GPHN: variants seen among roughly 807,000 people sequenced by gnomAD.
GPHN encodes gephyrin.
In GPHN, 17 loss-of-function variants were observed where a neutral mutation model predicts 95.5. The observed-to-expected ratio is 0.18, with a 90% CI of 0.12 to 0.27. The LOEUF is 0.27. Ranked by LOEUF, GPHN falls within the 10% of genes least tolerant of loss-of-function variation. GPHN has a pLI of 1.00. For synonymous variants in GPHN, 320 were observed against 322.5 expected (o/e 0.99, Z 0.08); for missense variants, 660 against 978.1 (o/e 0.67, Z 4.34).
the GPHN span, among the ~76,000 whole-genome samples, chr14:67,715,523 AGTGCAGGCGTAAGGCCTGG>A: frequency 5.9e-5 from 9 of 152,228 alleles, no homozygotes; most frequent in African/African-American, 2.2e-4. Flanking sequence ...ACCTCACCAC[AGTGCAGGCGTAAGGCCTGG>A]GCTTATTGGC....
the GPHN span, chr14:67,204,454 CAAAT>C: frequency 3.6e-6 from 5 of 1,399,602 alleles, no homozygotes; most frequent in South Asian, 1.9e-5. Flanking sequence ...AACAAACAAA[CAAAT>C]ATATATATAT....
intron 18 of GPHN, among the ~76,000 whole-genome samples, chr14:67,148,558 C>CTTTTTTTTTTTT (rs368140123): frequency 2.8e-5 from 3 of 109,058 alleles, no homozygotes; most frequent in Non-Finnish European, 1.8e-5. Context: ...ACTTTATTTG[C>CTTTTTTTTTTTT]TTTTTTTTTT....
chr14:67,598,869 C>G, the GPHN span, among the ~76,000 whole-genome samples: 1 of 152,020 alleles, frequency 6.6e-6, no homozygotes, highest in Non-Finnish European at 1.5e-5. Flanking sequence ...ACCACCACAC[C>G]CAGCTAATGT....
the GPHN span, among the ~76,000 whole-genome samples, chr14:67,630,701 C>T: frequency 1.3e-5 from 2 of 152,306 alleles, no homozygotes; most frequent in South Asian, 2.1e-4. Context: ...GCCTCAGCCT[C>T]CATAGTAGCT....
chr14:67,498,775 CCTGT>C, the GPHN span, among the ~76,000 whole-genome samples: 1 of 152,090 alleles, frequency 6.6e-6, no homozygotes, highest in Non-Finnish European at 1.5e-5. Flanking sequence ...AAGCAATTCT[CCTGT>C]CTCAGTCTCT....
intron 9 of GPHN, among the ~76,000 whole-genome samples, chr14:67,011,964 C>G (rs547792772): frequency 2.6e-5 from 4 of 152,186 alleles, no homozygotes; most frequent in Non-Finnish European, 5.9e-5. Flanking sequence ...TACCTCTATA[C>G]TAGAAATATA....
intron 1 of GPHN, among the ~76,000 whole-genome samples, chr14:66,518,402 G>T (rs1594794809): frequency 6.6e-6 from 1 of 152,042 alleles, no homozygotes; most frequent in East Asian, 1.9e-4. Context: ...ATGTAAACAA[G>T]TACAGCCACT....
chr14:66,989,605 A>G (rs893413111), intron 9 of GPHN, among the ~76,000 whole-genome samples: 1 of 151,182 alleles, frequency 6.6e-6, no homozygotes, highest in Non-Finnish European at 1.5e-5. Flanking sequence ...TTCTAAAAAT[A>G]TTAAATATAA....
chr14:67,418,913 C>T, the GPHN span, among the ~76,000 whole-genome samples: 3 of 152,200 alleles, frequency 2.0e-5, no homozygotes, highest in Non-Finnish European at 2.9e-5. Flanking sequence ...CTCCCCAGGG[C>T]GCTCTGCAAG....
At chr14:67,101,944 T>A (rs2077723884) in intron 13 of GPHN, among the ~76,000 whole-genome samples, 1 of 152,060 alleles carries the variant, frequency 6.6e-6, no homozygotes. Context: ...CGATCTCGGC[T>A]CACTGCAAGC....
chr14:66,988,591 T>A (rs2071185697), intron 9 of GPHN, among the ~76,000 whole-genome samples: 1 of 152,060 alleles, frequency 6.6e-6, no homozygotes, highest in Non-Finnish European at 1.5e-5. Context: ...GTAAGTACCT[T>A]CACCAGGAAC....
At position 66,755,293 on chromosome 14, in the gene GPHN, A is replaced by T. The variant is rs183713855; in HGVS notation, c.144-21171A>T. 2.6e-5 allele frequency among the ~76,000 whole-genome samples: 4 copies of T among 152,238 alleles called. No individual in the cohort carries two copies. In the East Asian group the frequency reaches 7.7e-4, roughly 29 times the overall value. ...TTACTGACTATGTTTGCTTAATATT[A>T]ATCTATTAGAGCATAACTGCATAAC... On this transcript the variant is annotated intron_variant, in intron 2 of 22. Coordinates refer to ENST00000478722, the MANE Select transcript of GPHN (RefSeq NM_020806.5).
the GPHN span, chr14:67,454,728 T>C: frequency 6.6e-6 from 1 of 152,260 alleles, no homozygotes; most frequent in African/African-American, 2.4e-5. Context: ...TAATAAGTTA[T>C]ATAATAAGGG....
intron 5 of GPHN, among the ~76,000 whole-genome samples, chr14:66,892,418 C>G (rs2064564686): frequency 6.6e-6 from 1 of 152,026 alleles, no homozygotes; most frequent in South Asian, 2.1e-4. Context: ...GTGAGACTGT[C>G]TCTTAAAGAA....
chr14:66,944,406 A>G (rs898307846), intron 8 of GPHN, among the ~76,000 whole-genome samples: 1 of 152,250 alleles, frequency 6.6e-6, no homozygotes, highest in Admixed American at 6.5e-5. Context: ...TCCCAAGGAC[A>G]TAAAACAAGA....
the GPHN span, chr14:67,650,479 T>C: frequency 1.9e-6 from 1 of 538,886 alleles, no homozygotes; most frequent in Admixed American, 3.2e-5. Context: ...TGAACAGGGA[T>C]GGTTTATTTC....
At chr14:67,295,154 C>T in the GPHN span, among the ~76,000 whole-genome samples, 1 of 149,618 alleles carries the variant, frequency 6.7e-6, no homozygotes, top group Admixed American at 6.7e-5. Context: ...AAAAACTTGT[C>T]TATGAAATAT....
intron 4 of GPHN, among the ~76,000 whole-genome samples, chr14:66,878,697 T>C (rs1017693077): frequency 9.9e-5 from 15 of 152,106 alleles, no homozygotes; most frequent in Non-Finnish European, 4.4e-5. Flanking sequence ...ATGGTGATCA[T>C]TAAAATGTCA....
At chr14:67,245,739 A>G in the GPHN span, among the ~76,000 whole-genome samples, 2 of 152,302 alleles carry the variant, frequency 1.3e-5, no homozygotes, top group East Asian at 1.9e-4. Flanking sequence ...CATAACTTCT[A>G]TACTTCATTA....
Sources: allele counts gnomAD v4.1 joint callset (sites outside exome capture counted in the v4.1 genomes callset), GRCh38; gene constraint gnomAD v4.1.1; transcripts MANE v1.5; gene names NCBI Gene and HGNC (gene_info 2026-07-23, HGNC 2026-07-21).